The following ATF7IP2 variants were observed in gnomAD, a reference collection of about 807,000 sequenced individuals.
ATF7IP2 encodes activating transcription factor 7-interacting protein 2.
A neutral mutation model predicts 64.2 loss-of-function variants in ATF7IP2; 42 were observed. The observed-to-expected ratio is 0.65, with a 90% confidence interval of 0.51 to 0.85. ATF7IP2 has a LOEUF of 0.85. Among genes scored for constraint, ATF7IP2 ranks in the 40% least tolerant of loss-of-function variants. ATF7IP2 has a pLI of 0.00. For synonymous variants in ATF7IP2, 308 were observed against 272.8 expected (o/e 1.13, Z -1.27); for missense variants, 933 against 784.2 (o/e 1.19, Z -2.27).
Position 10,434,521 on chromosome 16 carries a change from T to C in ATF7IP2, c.960+872T>C, listed in dbSNP as rs1399134022. Among the ~76,000 whole-genome samples the C allele has an allele frequency of 3.3e-5, 5 of 152,316 alleles. No homozygotes were observed. The East Asian group carries it at 7.7e-4, about 23-fold the overall frequency. The stretch of plus-strand genomic sequence containing the variant: ...TTACATATACTATGAATGTGTATTC[T>C]TCACCTAATAATAAGGGAAAATAAA... On this transcript the variant is annotated intron_variant, in intron 6 of 13. Coordinates refer to ENST00000562102, the MANE Select transcript of ATF7IP2 (RefSeq NM_001393719.1).
chr16:10,450,299 GGGGTGGAGAGTTCTGTAGAT>G (rs1428768964), intron 8 of ATF7IP2, among the ~76,000 whole-genome samples: 2 of 152,132 alleles, frequency 1.3e-5, no homozygotes, highest in African/African-American at 4.8e-5. Context: ...CTATTGATTT[GGGGTGGAGAGTTCTGTAGAT>G]GTCTATTAGG....
rs189572846 is a variant in ATF7IP2, at chr16:10,402,037, T to G, written c.-241-12537T>G. 1.1e-4 allele frequency among the ~76,000 whole-genome samples: 16 copies of G among 152,252 alleles called. No homozygotes were observed. In the East Asian group the frequency reaches 2.7e-3, roughly 26 times the overall value. Reference sequence around the variant, plus strand: ...TAGGTAGTAGTTTTCCAATTTTGTTTAAATTTTCAAAGAACCAACTTTTTG... The same window carrying G: ...TAGGTAGTAGTTTTCCAATTTTGTTGAAATTTTCAAAGAACCAACTTTTTG... On this transcript the variant is annotated intron_variant, in intron 1 of 13. Transcript: ENST00000562102.
intron 3 of ATF7IP2, among the ~76,000 whole-genome samples, chr16:10,422,948 T>C (rs1243620387): frequency 6.6e-6 from 1 of 152,202 alleles, no homozygotes; most frequent in Non-Finnish European, 1.5e-5. Flanking sequence ...GCATTCCTTT[T>C]AAATTTAAAC....
intron 5 of ATF7IP2, among the ~76,000 whole-genome samples, chr16:10,433,134 T>A (rs570288272): frequency 6.6e-6 from 1 of 152,148 alleles, no homozygotes; most frequent in African/African-American, 2.4e-5. Flanking sequence ...ATTTTAGTTT[T>A]TCCATTTGCT....
chr16:10,438,005 G>T, intron 6 of ATF7IP2, 96 bp from the exon 7 acceptor site: 1 of 935,018 alleles, frequency 1.1e-6, no homozygotes. Context: ...ATTGGTTACA[G>T]TAAATCTGGA....
intron 1 of ATF7IP2, among the ~76,000 whole-genome samples, chr16:10,411,914 T>C (rs1188701904): frequency 1.3e-5 from 2 of 150,318 alleles, no homozygotes; most frequent in Non-Finnish European, 3.0e-5. Context: ...TGTTTTTTTT[T>C]TTTTCCTCAG....
chr16:10,388,798 C>T (rs1332904217), intron 1 of ATF7IP2, among the ~76,000 whole-genome samples: 1 of 151,870 alleles, frequency 6.6e-6, no homozygotes, highest in Non-Finnish European at 1.5e-5. Context: ...ATCACGAGGT[C>T]AGGAGATTGA....
At chr16:10,407,921 T>C (rs977194214) in intron 1 of ATF7IP2, among the ~76,000 whole-genome samples, 1 of 151,760 alleles carries the variant, frequency 6.6e-6, no homozygotes, top group Non-Finnish European at 1.5e-5. Context: ...TTCTTTCTTT[T>C]TTTTTTTTTT....
intron 9 of ATF7IP2, among the ~76,000 whole-genome samples, chr16:10,465,391 C>T (rs1456846336): frequency 2.0e-5 from 3 of 151,896 alleles, no homozygotes; most frequent in African/African-American, 7.3e-5. Context: ...ATATGTTAGT[C>T]ACACTCAGGC....
Position 10,482,453 on chromosome 16 carries a change from T to C in ATF7IP2, c.*204T>C, listed in dbSNP as rs2142121388. 5 of 459,982 alleles carry C rather than the reference T, an allele frequency of 1.1e-5. No individual in the cohort carries two copies. The highest frequency in any genetic ancestry group is 1.9e-5 in the Non-Finnish European group (5 of 262,106). The allele number at this position is 459,982 out of a possible 1,614,324, so 28.5% of individuals were successfully genotyped here. On this transcript the variant is annotated 3_prime_UTR_variant, in exon 14 of 14. Transcript: ENST00000562102. ...ATATGTCCTTCCAATGGATAAGTTC[T>C]AAAACATACGCTATCATTGGCCCAT... is the stretch of plus-strand genomic sequence containing the variant.
At chr16:10,406,068 G>T (rs570099562) in intron 1 of ATF7IP2, among the ~76,000 whole-genome samples, 1 of 150,942 alleles carries the variant, frequency 6.6e-6, no homozygotes, top group Admixed American at 6.6e-5. Context: ...CAGCCTGGGC[G>T]ACAGAGTGAG....
intron 2 of ATF7IP2, 130 bp from the exon 3 acceptor site, chr16:10,419,451 A>C (rs964522329): frequency 3.9e-5 from 6 of 155,602 alleles, no homozygotes; most frequent in Admixed American, 2.5e-4. Flanking sequence ...GGAAAAGGTA[A>C]ATATACCCAA....
At position 10,483,060 on chromosome 16, in the gene ATF7IP2, A is replaced by C. The variant is rs1385980944; in HGVS notation, c.*811A>C. On this transcript the variant is annotated 3_prime_UTR_variant, in exon 14 of 14. Transcript: ENST00000562102. ...AACGAAATGGCTTCCCATTCTTTCT[A>C]TTCAGCTTCTAAGTGGGCTATTCAT... 1 of 152,220 alleles carries C rather than the reference A, an allele frequency of 6.6e-6. No homozygotes were observed. The highest frequency in any genetic ancestry group is 1.5e-5 in the Non-Finnish European group (1 of 68,026). 9.4% of individuals were successfully genotyped at this position (152,220 alleles called of 1,614,324 possible). A position where few individuals can be genotyped will look rare whatever the true frequency, so the allele number is the denominator to read the frequency against.
At chr16:10,464,340 G>A (rs1375653977) in intron 9 of ATF7IP2, among the ~76,000 whole-genome samples, 1 of 152,144 alleles carries the variant, frequency 6.6e-6, no homozygotes, top group Non-Finnish European at 1.5e-5. Context: ...TGGCTCTAGA[G>A]AAAACCAGGA....
rs187240324 is a variant in ATF7IP2, at chr16:10,401,532, A to G, written c.-241-13042A>G. On this transcript the variant is annotated intron_variant, in intron 1 of 13. Transcript: ENST00000562102. ...TATGTTGTTTAGGATTATTTCATTT[A>G]TGTTTATCAGGGATATTGGTCTGTA... 3.2e-3 allele frequency among the ~76,000 whole-genome samples: 494 copies of G among 152,004 alleles called. 3 individuals are homozygous for G. The highest frequency in any genetic ancestry group is 5.8e-3 in the Non-Finnish European group (396 of 67,962).
At chr16:10,465,294 C>A (rs1051348608) in intron 9 of ATF7IP2, among the ~76,000 whole-genome samples, 2 of 152,144 alleles carry the variant, frequency 1.3e-5, no homozygotes, top group African/African-American at 4.8e-5. Context: ...ATGCTCTTAC[C>A]TACTACATAA....
At position 10,413,297 on chromosome 16, in the gene ATF7IP2, C is replaced by G. The variant is rs111659776; in HGVS notation, c.-241-1277C>G. ...GGGGACCAGTCTTTCTCATGCTATT[C>G]TCGTGATAGTGAATAAGTCTCATGA... is the stretch of plus-strand genomic sequence containing the variant. On this transcript the variant is annotated intron_variant, in intron 1 of 13. Coordinates refer to ENST00000562102, the MANE Select transcript of ATF7IP2 (RefSeq NM_001393719.1). Among the ~76,000 whole-genome samples, 739 of 152,254 alleles carry G rather than the reference C, an allele frequency of 4.9e-3. 3 individuals are homozygous for G. The highest frequency in any genetic ancestry group is 0.017 in the African/African-American group (706 of 41,548).
At chr16:10,449,111 G>C (rs1198817821) in intron 8 of ATF7IP2, 1 of 152,120 alleles carries the variant, frequency 6.6e-6, no homozygotes. Context: ...GATGGATTAA[G>C]TTTATTGATT....
At chr16:10,464,097 G>T (rs1303391352) in intron 9 of ATF7IP2, among the ~76,000 whole-genome samples, 1 of 152,030 alleles carries the variant, frequency 6.6e-6, no homozygotes, top group African/African-American at 2.4e-5. Context: ...CTAGTTATTG[G>T]TCTCTCAAGT....
Sources: gnomAD v4.1 joint callset for allele counts (sites outside exome capture counted in the v4.1 genomes callset) on GRCh38, gnomAD v4.1.1 for gene constraint, MANE v1.5 for transcripts, NCBI Gene and HGNC (gene_info 2026-07-23, HGNC 2026-07-21) for gene names.